RBFOX1: variants seen among roughly 807,000 people sequenced by gnomAD.
RBFOX1 encodes RNA binding protein fox-1 homolog 1.
RBFOX1 carries 8 observed loss-of-function variants against 57.7 expected under a neutral mutation model. The observed-to-expected ratio is 0.14, with a 90% CI of 0.08 to 0.25. The LOEUF is 0.25. Among genes scored for constraint, RBFOX1 ranks in the 10% least tolerant of loss-of-function variants. RBFOX1 has a pLI of 1.00. For synonymous variants in RBFOX1, 326 were observed against 222.4 expected, an observed-to-expected ratio of 1.47 and a Z score of -4.15; for missense variants, 611 against 548.5, an observed-to-expected ratio of 1.11 and a Z score of -1.14.
chr16:6,915,695 TGC>T (rs2072984598), intron 3 of RBFOX1, among the ~76,000 whole-genome samples: 3 of 151,724 alleles, frequency 2.0e-5, no homozygotes, highest in African/African-American at 7.3e-5. Context: ...TGAGTACAGG[TGC>T]GCACCACCAT....
chr16:5,677,032 A>C (rs1488988394), intron 3 of RBFOX1, among the ~76,000 whole-genome samples: 1 of 152,240 alleles, frequency 6.6e-6, no homozygotes, highest in Admixed American at 6.5e-5. Context: ...TTCTTTTAGA[A>C]AATCAACTAA....
chr16:7,114,963 C>G (rs537759020), intron 4 of RBFOX1, among the ~76,000 whole-genome samples: 1 of 152,302 alleles, frequency 6.6e-6, no homozygotes, highest in South Asian at 2.1e-4. Flanking sequence ...CTTTTAGGAA[C>G]TGGAGAAGTG....
intron 3 of RBFOX1, among the ~76,000 whole-genome samples, chr16:5,617,609 A>G (rs915544902): frequency 2.9e-4 from 44 of 152,216 alleles, no homozygotes; most frequent in Admixed American, 2.7e-3. Flanking sequence ...GGTTTTGCCA[A>G]TCTTACTGTA....
intron 1 of RBFOX1, among the ~76,000 whole-genome samples, chr16:6,098,525 T>C (rs1270789927): frequency 6.6e-6 from 1 of 152,248 alleles, no homozygotes; most frequent in Non-Finnish European, 1.5e-5. Context: ...GACGCTGGAA[T>C]AATTCTAAGT....
chr16:5,956,625 C>T (rs1180961596), intron 4 of RBFOX1, among the ~76,000 whole-genome samples: 1 of 138,812 alleles, frequency 7.2e-6, no homozygotes, highest in Non-Finnish European at 1.5e-5. Flanking sequence ...TTGGTAAATT[C>T]TTAGCAAAAA....
At chr16:5,750,128 C>A (rs533907733) in intron 3 of RBFOX1, among the ~76,000 whole-genome samples, 7 of 152,168 alleles carry the variant, frequency 4.6e-5, no homozygotes, top group Non-Finnish European at 8.8e-5. Flanking sequence ...TGCTGGAGGT[C>A]CATTCCAGAC....
At chr16:7,107,628 G>A (rs781521249) in intron 4 of RBFOX1, among the ~76,000 whole-genome samples, 11 of 151,764 alleles carry the variant, frequency 7.2e-5, no homozygotes, top group South Asian at 2.1e-4. Flanking sequence ...CCTTCTTTCC[G>A]CTCCTCCCCT....
At chr16:5,637,586 G>A (rs1352286557) in intron 3 of RBFOX1, among the ~76,000 whole-genome samples, 2 of 152,196 alleles carry the variant, frequency 1.3e-5, no homozygotes, top group Admixed American at 1.3e-4. Context: ...CTGTTCATAT[G>A]TTTATGAATT....
intron 3 of RBFOX1, among the ~76,000 whole-genome samples, chr16:6,865,299 G>C (rs768329985): frequency 3.2e-4 from 48 of 151,794 alleles, no homozygotes; most frequent in African/African-American, 1.1e-3. Flanking sequence ...CACCGTGCCC[G>C]ACCTGGAGTG....
intron 1 of RBFOX1, among the ~76,000 whole-genome samples, chr16:5,422,554 G>A (rs1402579719): frequency 5.5e-5 from 4 of 72,384 alleles, no homozygotes; most frequent in African/African-American, 2.2e-4. Context: ...GCAGGGAGGG[G>A]GAAGAAAGGG....
At chr16:7,680,793 C>G (rs1271636885) in intron 14 of RBFOX1, among the ~76,000 whole-genome samples, 2 of 152,084 alleles carry the variant, frequency 1.3e-5, no homozygotes, top group African/African-American at 2.4e-5. Flanking sequence ...GACATATTGG[C>G]TCTGTTGTAA....
chr16:5,974,599 A>C (rs891030824), intron 4 of RBFOX1, among the ~76,000 whole-genome samples: 3 of 152,098 alleles, frequency 2.0e-5, no homozygotes, highest in Non-Finnish European at 4.4e-5. Flanking sequence ...GACAGAGCGA[A>C]AGTCCATCTC....
intron 3 of RBFOX1, among the ~76,000 whole-genome samples, chr16:5,625,498 T>G (rs1231642100): frequency 6.6e-6 from 1 of 152,116 alleles, no homozygotes; most frequent in African/African-American, 2.4e-5. Context: ...AGTCAAGTTT[T>G]GCGGAGGAGT....
chr16:7,139,821 G>C (rs1327338611), intron 4 of RBFOX1, among the ~76,000 whole-genome samples: 1 of 152,062 alleles, frequency 6.6e-6, no homozygotes, highest in Non-Finnish European at 1.5e-5. Context: ...GTGGACAGAA[G>C]ACAAGCATTC....
chr16:6,819,705 C>CAA (rs1181614275), intron 3 of RBFOX1, among the ~76,000 whole-genome samples: 817 of 20,612 alleles, frequency 0.04, 148 homozygotes, highest in African/African-American at 0.065. Context: ...AACTCTGACT[C>CAA]AAAAAAAAAA....
In RBFOX1 at chr16:6,199,815, C is replaced by A. The variant is rs1297771451; in HGVS notation, c.-126-117180C>A. ...CTGTATGGGATGCTTGTTAGCACAA[C>A]AAATTTACACACTGCTCTGCCAACA... On this transcript the variant is annotated intron_variant, in intron 1 of 15. Coordinates refer to ENST00000550418, the MANE Select transcript of RBFOX1 (RefSeq NM_018723.4). Among the ~76,000 whole-genome samples, 4 of 152,262 alleles carry A rather than the reference C, an allele frequency of 2.6e-5. No individual in the cohort carries two copies. In the East Asian group the frequency reaches 7.7e-4, roughly 29 times the overall value.
At chr16:5,594,857 T>C (rs1237149803) in intron 2 of RBFOX1, among the ~76,000 whole-genome samples, 1 of 151,330 alleles carries the variant, frequency 6.6e-6, no homozygotes, top group Non-Finnish European at 1.5e-5. Context: ...TGTGGCTGAA[T>C]GTGGTGGCTC....
intron 9 of RBFOX1, among the ~76,000 whole-genome samples, chr16:7,599,799 G>GTTT (rs113220306): frequency 5.4e-5 from 8 of 147,416 alleles, no homozygotes; most frequent in African/African-American, 1.0e-4. Flanking sequence ...TGCCTGGCTA[G>GTTT]TTTTTTTTTT....
intron 2 of RBFOX1, among the ~76,000 whole-genome samples, chr16:6,473,531 C>T (rs2095224866): frequency 6.6e-6 from 1 of 151,430 alleles, no homozygotes; most frequent in African/African-American, 2.4e-5. Context: ...CATGAGGGCT[C>T]TTGTTTTGTT....
Sources: allele counts gnomAD v4.1 joint callset (sites outside exome capture counted in the v4.1 genomes callset), GRCh38; gene constraint gnomAD v4.1.1; transcripts MANE v1.5; gene names NCBI Gene and HGNC (gene_info 2026-07-23, HGNC 2026-07-21).